ETV7: variants seen among roughly 807,000 people sequenced by gnomAD.
The protein encoded by ETV7 is transcription factor ETV7.
Under a neutral mutation model 39.1 loss-of-function variants are expected in ETV7, and 43 were observed. The observed-to-expected ratio is 1.10, with a 90% CI of 0.86 to 1.42. The LOEUF is 1.42. Among genes scored for constraint, ETV7 ranks in the 40% most tolerant of loss-of-function variants. The probability of loss-of-function intolerance (pLI) is 0.00; values close to 1 mark genes in which losing one functional copy is unlikely to be tolerated. For missense variants in ETV7, 432 were observed against 442.3 expected (o/e 0.98, Z 0.21); for synonymous variants, 196 against 176.6 (o/e 1.11, Z -0.87).
At chr6:36,367,304 G>A (rs111738116) in intron 6 of ETV7, among the ~76,000 whole-genome samples, 3,604 of 152,136 alleles carry the variant, frequency 0.024, 146 homozygotes, top group African/African-American at 0.078. Flanking sequence ...TTAGCCAGGC[G>A]TGATGGTGCG....
chr6:36,375,633 G>T (rs1213793876), intron 3 of ETV7, among the ~76,000 whole-genome samples: 1 of 152,308 alleles, frequency 6.6e-6, no homozygotes, highest in East Asian at 1.9e-4. Flanking sequence ...CGAGAGAGCA[G>T]AACAGGCCCC....
chr6:36,375,827 T>A (rs762539749), intron 3 of ETV7, 44 bp downstream of exon 3: 26 of 1,612,832 alleles, frequency 1.6e-5, no homozygotes, highest in Non-Finnish European at 2.1e-5. Context: ...CATCCTGGCC[T>A]ACCAGGGTTC....
chr6:36,369,220 C>CATTAGTGGCTGT, intron 5 of ETV7, 149 bp from the exon 6 acceptor site: 2 of 812,104 alleles, frequency 2.5e-6, no homozygotes, highest in Non-Finnish European at 3.8e-6. Context: ...GAAACAGCCA[C>CATTAGTGGCTGT]TAATGGGGCT....
At chr6:36,363,521 G>A (rs1216573186), downstream of ETV7, among the ~76,000 whole-genome samples, 5 of 152,240 alleles carry the variant, frequency 3.3e-5, no homozygotes, top group East Asian at 3.8e-4. Context: ...GAGTGAAGCT[G>A]CAGATCTTCG....
At chr6:36,384,551 T>C (rs1773802933) in intron 2 of ETV7, among the ~76,000 whole-genome samples, 1 of 152,150 alleles carries the variant, frequency 6.6e-6, no homozygotes, top group Non-Finnish European at 1.5e-5. Context: ...GGGTCTTGTG[T>C]TTGAACCTCA....
chr6:36,358,431 G>C (rs538961153), intron 7 of ETV7, among the ~76,000 whole-genome samples: 1 of 152,306 alleles, frequency 6.6e-6, no homozygotes, highest in Non-Finnish European at 1.5e-5. Flanking sequence ...TTACTCACTG[G>C]TCAGTCAGGA....
At chr6:36,354,125 A>T (rs1283253515) in exon 8 of ETV7, 1 of 150,556 alleles carries the variant, frequency 6.6e-6, no homozygotes, top group Non-Finnish European at 1.5e-5. Context: ...GAGTTGTAGG[A>T]ATTCTTTATC....
chr6:36,374,614 C>T (rs1199489032), intron 3 of ETV7, among the ~76,000 whole-genome samples: 1 of 152,208 alleles, frequency 6.6e-6, no homozygotes, highest in Non-Finnish European at 1.5e-5. Flanking sequence ...CCCCGCTTTG[C>T]CTCAGTGCAG....
intron 7 of ETV7, among the ~76,000 whole-genome samples, chr6:36,361,163 C>G (rs546459132): frequency 6.6e-6 from 1 of 152,316 alleles, no homozygotes; most frequent in South Asian, 2.1e-4. Context: ...ATACTGGTTT[C>G]AGAACAACCT....
At chr6:36,387,411 G>C in intron 1 of ETV7, 125 bp downstream of exon 1, 2 of 1,364,162 alleles carry the variant, frequency 1.5e-6, no homozygotes, top group Non-Finnish European at 1.0e-6. Context: ...GAATGTGTTG[G>C]AAAGAGAGAT....
chr6:36,355,229 G>A lies in ETV7; in HGVS notation c.909-542C>T, dbSNP rs192598445. 2.2e-3 allele frequency among the ~76,000 whole-genome samples: 333 copies of A among 152,176 alleles called. 1 individual carries two copies. The highest frequency in any genetic ancestry group is 7.6e-3 in the African/African-American group (315 of 41,496). ...TGGTAGCTGTGGGGTTTTCACAGAT[G>A]GTCTTGATCAGCTTGAGGAAGTTCT... is the stretch of plus-strand genomic sequence containing the variant. On this transcript the variant is annotated intron_variant, in intron 7 of 7. Transcript: ENST00000339796.
Position 36,369,086 on chromosome 6 carries a change from A to G in ETV7, c.665-15T>C, listed in dbSNP as rs373642502. On this transcript the variant is annotated splice_polypyrimidine_tract_variant and intron_variant, in intron 5 of 7. Coordinates refer to ENST00000340181, the MANE Select transcript of ETV7 (RefSeq NM_016135.4). ...CAGGCGGCAGTCTGCAATTTAGCAC[A>G]GGGAGTGCAGGCAGCGCAGCTTTAC... is the stretch of plus-strand genomic sequence containing the variant. The G allele has an allele frequency of 1.5e-5, 24 of 1,613,732 alleles. No homozygotes were observed. Among genetic ancestry groups the G allele is most frequent in the African/African-American group, 4.0e-5 (3 of 74,924 alleles).
downstream of ETV7, among the ~76,000 whole-genome samples, chr6:36,364,099 T>C (rs1205451801): frequency 6.6e-6 from 1 of 152,212 alleles, no homozygotes; most frequent in Non-Finnish European, 1.5e-5. Flanking sequence ...ATTGGTGTAT[T>C]TACAATCCCT....
intron 3 of ETV7, among the ~76,000 whole-genome samples, chr6:36,373,847 G>A (rs1054530969): frequency 6.5e-4 from 99 of 152,330 alleles, no homozygotes; most frequent in African/African-American, 2.2e-3. Context: ...AGCTTGCAAG[G>A]TCAGGCTGTT....
intron 5 of ETV7, among the ~76,000 whole-genome samples, chr6:36,370,072 A>G (rs896978711): frequency 3.3e-5 from 5 of 152,148 alleles, no homozygotes; most frequent in African/African-American, 1.2e-4. Flanking sequence ...CATCATTTCT[A>G]TGTGTTGGGC....
intron 7 of ETV7, among the ~76,000 whole-genome samples, chr6:36,356,306 A>G (rs1772334971): frequency 7.0e-6 from 1 of 143,560 alleles, no homozygotes; most frequent in Non-Finnish European, 1.5e-5. Context: ...CCTGGGTAAA[A>G]GAGTGAGACC....
intron 1 of ETV7, among the ~76,000 whole-genome samples, chr6:36,386,396 C>T (rs1046071289): frequency 6.6e-6 from 1 of 152,188 alleles, no homozygotes; most frequent in Admixed American, 6.5e-5. Context: ...ATCCTAAGGT[C>T]TCACCACGGG....
At chr6:36,359,047 C>T (rs543543372) in intron 7 of ETV7, among the ~76,000 whole-genome samples, 3 of 152,302 alleles carry the variant, frequency 2.0e-5, no homozygotes, top group African/African-American at 7.2e-5. Flanking sequence ...ATGGTCTTCT[C>T]CACCCAGCCT....
intron 6 of ETV7, among the ~76,000 whole-genome samples, chr6:36,367,376 G>C (rs1293132474): frequency 6.6e-6 from 1 of 152,132 alleles, no homozygotes; most frequent in African/African-American, 2.4e-5. Flanking sequence ...CCAGGAGGCA[G>C]AGGTTGCAGT....
Sources: gnomAD v4.1 joint callset for allele counts (sites outside exome capture counted in the v4.1 genomes callset) on GRCh38, gnomAD v4.1.1 for gene constraint, MANE v1.5 for transcripts, NCBI Gene and HGNC (gene_info 2026-07-23, HGNC 2026-07-21) for gene names.